Variants in CCDC91 observed in about 807,000 individuals in gnomAD.
CCDC91 encodes the protein coiled-coil domain-containing protein 91.
A neutral mutation model predicts 63.2 loss-of-function variants in CCDC91; 48 were observed. The ratio of observed to expected loss-of-function variants is 0.76; its 90% CI spans 0.60 to 0.97. The LOEUF is 0.97. Among genes scored for constraint, CCDC91 ranks in the 50% least tolerant of loss-of-function variants. The probability of loss-of-function intolerance (pLI) is 0.00; values close to 1 mark genes in which losing one functional copy is unlikely to be tolerated. For synonymous variants in CCDC91, 167 were observed against 165.8 expected, an observed-to-expected ratio of 1.01 and a Z score of -0.06; for missense variants, 500 against 494.6, an observed-to-expected ratio of 1.01 and a Z score of -0.10.
chr12:28,532,137 G>C (rs1941790018), intron 12 of CCDC91, among the ~76,000 whole-genome samples: 1 of 152,068 alleles, frequency 6.6e-6, no homozygotes, highest in South Asian at 2.1e-4. Flanking sequence ...ATAAAGAAGA[G>C]AACCTTTGAG....
intron 12 of CCDC91, among the ~76,000 whole-genome samples, chr12:28,491,678 A>G (rs1415053981): frequency 6.6e-6 from 1 of 151,804 alleles, no homozygotes; most frequent in East Asian, 1.9e-4. Flanking sequence ...AGAATAAGCA[A>G]ATTTATATAT....
chr12:28,303,504 A>G (rs1938309054), intron 3 of CCDC91, among the ~76,000 whole-genome samples: 1 of 152,148 alleles, frequency 6.6e-6, no homozygotes, highest in African/African-American at 2.4e-5. Flanking sequence ...ACAGCATGAC[A>G]TCTTATCTTA....
chr12:28,314,168 G>T (rs1592280471), intron 6 of CCDC91, among the ~76,000 whole-genome samples: 1 of 69,344 alleles, frequency 1.4e-5, no homozygotes, highest in African/African-American at 5.9e-5. Flanking sequence ...TTGATTATTT[G>T]GCTTGAAAAT....
chr12:28,491,535 A>G (rs1049925236), intron 12 of CCDC91, among the ~76,000 whole-genome samples: 9 of 151,830 alleles, frequency 5.9e-5, no homozygotes, highest in African/African-American at 2.2e-4. Context: ...AGAATTCCAG[A>G]AGATCACTTA....
At chr12:28,425,541 A>G (rs1948264389) in intron 8 of CCDC91, among the ~76,000 whole-genome samples, 1 of 152,184 alleles carries the variant, frequency 6.6e-6, no homozygotes, top group Non-Finnish European at 1.5e-5. Context: ...GGAAATTAGA[A>G]CAGGAAGAAA....
intron 8 of CCDC91, among the ~76,000 whole-genome samples, chr12:28,440,628 T>G (rs1004377417): frequency 2.1e-4 from 32 of 151,926 alleles, no homozygotes; most frequent in African/African-American, 7.7e-4. Flanking sequence ...AAGACATCAT[T>G]AAGAAAGTGA....
At chr12:28,297,992 G>A (rs1949657351) in intron 3 of CCDC91, among the ~76,000 whole-genome samples, 1 of 151,558 alleles carries the variant, frequency 6.6e-6, no homozygotes, top group Admixed American at 6.6e-5. Flanking sequence ...AATGTTATAG[G>A]GCAGTCACCT....
chr12:28,479,678 C>T (rs1951336643), intron 11 of CCDC91, among the ~76,000 whole-genome samples: 1 of 151,882 alleles, frequency 6.6e-6, no homozygotes, highest in Non-Finnish European at 1.5e-5. Flanking sequence ...AACACAGATA[C>T]AAATTTCTGG....
intron 11 of CCDC91, among the ~76,000 whole-genome samples, chr12:28,477,126 C>T (rs1430377260): frequency 1.3e-5 from 2 of 152,116 alleles, no homozygotes; most frequent in African/African-American, 4.8e-5. Context: ...TTTTATGAGG[C>T]CAGCATCATC....
intron 3 of CCDC91, among the ~76,000 whole-genome samples, chr12:28,277,213 T>C (rs1424649205): frequency 6.6e-6 from 1 of 151,980 alleles, no homozygotes; most frequent in Admixed American, 6.6e-5. Context: ...CTTCATAGTA[T>C]TGAACATTTT....
chr12:28,366,333 CA>C (rs1295425003), intron 7 of CCDC91, among the ~76,000 whole-genome samples: 7 of 152,102 alleles, frequency 4.6e-5, no homozygotes, highest in Admixed American at 1.3e-4. Flanking sequence ...GTGAGTAACC[CA>C]GAAATAGCAA....
At chr12:28,253,657 T>A (rs1288816360) in intron 1 of CCDC91, among the ~76,000 whole-genome samples, 1 of 152,214 alleles carries the variant, frequency 6.6e-6, no homozygotes, top group Non-Finnish European at 1.5e-5. Flanking sequence ...CTTGTAGTTT[T>A]CTCATTTCAC....
At chr12:28,300,365 C>T (rs991395488) in intron 3 of CCDC91, among the ~76,000 whole-genome samples, 4 of 151,486 alleles carry the variant, frequency 2.6e-5, no homozygotes, top group African/African-American at 9.7e-5. Context: ...CTGCTTTTAT[C>T]ACATACTTGC....
At chr12:28,274,402 A>T (rs1423208716) in intron 3 of CCDC91, among the ~76,000 whole-genome samples, 1 of 152,044 alleles carries the variant, frequency 6.6e-6, no homozygotes, top group Non-Finnish European at 1.5e-5. Context: ...CTTGATGGGG[A>T]TGGCATTGAA....
chr12:28,287,050 A>C (rs989179784), intron 3 of CCDC91, among the ~76,000 whole-genome samples: 1 of 151,780 alleles, frequency 6.6e-6, no homozygotes, highest in Non-Finnish European at 1.5e-5. Context: ...TCAGTTTTTA[A>C]TGGGGCTGTT....
chr12:28,220,522 A>G (rs970341761), intron 1 of CCDC91, among the ~76,000 whole-genome samples: 1 of 151,886 alleles, frequency 6.6e-6, no homozygotes, highest in East Asian at 1.9e-4. Flanking sequence ...CCTGTTTGCT[A>G]TTTCTGGGAC....
At chr12:28,374,414 A>G (rs1321387834) in intron 7 of CCDC91, among the ~76,000 whole-genome samples, 1 of 152,118 alleles carries the variant, frequency 6.6e-6, no homozygotes, top group Non-Finnish European at 1.5e-5. Flanking sequence ...TGCATGAATA[A>G]TTTGAGATTA....
intron 7 of CCDC91, among the ~76,000 whole-genome samples, chr12:28,382,134 T>C (rs113796178): frequency 2.6e-5 from 4 of 152,214 alleles, no homozygotes; most frequent in African/African-American, 9.6e-5. Context: ...CAAAATTTAG[T>C]CTTAACATGT....
intron 11 of CCDC91, among the ~76,000 whole-genome samples, chr12:28,480,187 A>C (rs1249208682): frequency 2.6e-5 from 4 of 151,986 alleles, no homozygotes; most frequent in South Asian, 2.1e-4. Flanking sequence ...AATAACATTC[A>C]ACATGAGCTA....
Sources: gnomAD v4.1 joint callset for allele counts (sites outside exome capture counted in the v4.1 genomes callset) on GRCh38, gnomAD v4.1.1 for gene constraint, MANE v1.5 for transcripts, NCBI Gene and HGNC (gene_info 2026-07-23, HGNC 2026-07-21) for gene names.